The following UNC5D variants were observed in gnomAD, a reference collection of about 807,000 sequenced individuals.
UNC5D encodes unc-5 netrin receptor D.
UNC5D carries 39 observed loss-of-function variants against 105.4 expected under a neutral mutation model. The ratio of observed to expected loss-of-function variants is 0.37; its 90% confidence interval spans 0.29 to 0.48. The LOEUF (loss-of-function observed/expected upper bound fraction) is 0.48, where lower values mean the gene tolerates loss of function less well. UNC5D is among the 20% of genes least tolerant of loss of function. The pLI, the probability that UNC5D is intolerant of heterozygous loss-of-function variation, is 0.98. For missense variants in UNC5D, 991 were observed against 1,202.4 expected, an observed-to-expected ratio of 0.82 and a Z score of 2.60; for synonymous variants, 452 against 450.4, an observed-to-expected ratio of 1.00 and a Z score of -0.04.
chr8:35,345,752 A>G (rs920003177), intron 1 of UNC5D, among the ~76,000 whole-genome samples: 6 of 152,030 alleles, frequency 3.9e-5, no homozygotes, highest in African/African-American at 1.4e-4. Flanking sequence ...TCAAACACTG[A>G]ATAAAAACTC....
At chr8:35,395,100 A>G (rs1038745883) in intron 1 of UNC5D, among the ~76,000 whole-genome samples, 1 of 152,202 alleles carries the variant, frequency 6.6e-6, no homozygotes, top group Non-Finnish European at 1.5e-5. Context: ...ATTCTTCTGC[A>G]TAGAACTCGT....
At chr8:35,609,144 C>T (rs993755419) in intron 4 of UNC5D, among the ~76,000 whole-genome samples, 4 of 152,018 alleles carry the variant, frequency 2.6e-5, no homozygotes, top group South Asian at 2.1e-4. Flanking sequence ...CTTTAATTTA[C>T]ATTTGTTGAT....
intron 1 of UNC5D, among the ~76,000 whole-genome samples, chr8:35,360,737 G>A (rs1801810217): frequency 1.3e-5 from 2 of 152,126 alleles, no homozygotes; most frequent in Admixed American, 6.6e-5. Context: ...ATATGGGCAT[G>A]GTGGCAGTGG....
intron 4 of UNC5D, among the ~76,000 whole-genome samples, chr8:35,670,636 C>T (rs959076833): frequency 6.6e-6 from 1 of 152,040 alleles, no homozygotes; most frequent in East Asian, 1.9e-4. Flanking sequence ...CATGTTCTCA[C>T]TTATAAGTGG....
intron 12 of UNC5D, among the ~76,000 whole-genome samples, chr8:35,748,996 T>A (rs1830133382): frequency 1.3e-5 from 2 of 152,164 alleles, no homozygotes. Flanking sequence ...CCCCTTGGCC[T>A]TGTCTCTGTC....
chr8:35,574,707 C>A (rs545168940), intron 3 of UNC5D, among the ~76,000 whole-genome samples: 128 of 152,194 alleles, frequency 8.4e-4, no homozygotes, highest in African/African-American at 3.0e-3. Flanking sequence ...TAAATAAATA[C>A]ATCTAGGCAC....
intron 1 of UNC5D, among the ~76,000 whole-genome samples, chr8:35,460,517 T>C (rs772369406): frequency 2.6e-5 from 4 of 152,198 alleles, no homozygotes; most frequent in Non-Finnish European, 5.9e-5. Context: ...CGAAATCCCC[T>C]GGGTAAGGTA....
At chr8:35,781,087 G>A (rs979339312) in intron 16 of UNC5D, among the ~76,000 whole-genome samples, 1 of 152,084 alleles carries the variant, frequency 6.6e-6, no homozygotes, top group Non-Finnish European at 1.5e-5. Context: ...GCCCATATCA[G>A]GTTTTTTTGG....
chr8:35,611,147 A>G (rs1241459700), intron 4 of UNC5D, among the ~76,000 whole-genome samples: 1 of 152,110 alleles, frequency 6.6e-6, no homozygotes, highest in Non-Finnish European at 1.5e-5. Context: ...TCTCCCAAAA[A>G]GATGTAAAGC....
intron 4 of UNC5D, among the ~76,000 whole-genome samples, chr8:35,646,834 CTT>C (rs1823084357): frequency 1.3e-5 from 2 of 152,196 alleles, no homozygotes; most frequent in African/African-American, 4.8e-5. Context: ...ATAACTCTGA[CTT>C]AATATATTTA....
Position 35,686,625 on chromosome 8 carries a change from G to T in UNC5D, c.1000G>T (p.Ala334Ser). The T allele has an allele frequency of 1.9e-6, 3 of 1,608,312 alleles. No homozygotes were observed. Among genetic ancestry groups the T allele is most frequent in the Non-Finnish European group, 2.5e-6 (3 of 1,178,442 alleles). ...CEHLRIRECT[A>S]PPPRNGGKFC... ...ACATTTGCGGATCCGGGAGTGCACA[G>T]CACCACCCCCGAGAAATGGGGGCAA... Residue 334 changes from alanine to serine, a missense_variant, in exon 7 of 17, where the codon GCA becomes TCA. This residue lies in a region of UNC5D where 944 missense variants were observed against 1,131.6 expected (regional missense o/e 0.83). Coordinates refer to ENST00000404895, the MANE Select transcript of UNC5D (RefSeq NM_080872.4).
intron 1 of UNC5D, among the ~76,000 whole-genome samples, chr8:35,331,968 C>G (rs932882172): frequency 6.6e-6 from 1 of 152,132 alleles, no homozygotes; most frequent in African/African-American, 2.4e-5. Flanking sequence ...TTTTGATTTG[C>G]AGTTGTTTTC....
At chr8:35,693,694 A>G (rs1236092661) in intron 7 of UNC5D, among the ~76,000 whole-genome samples, 1 of 151,972 alleles carries the variant, frequency 6.6e-6, no homozygotes, top group Non-Finnish European at 1.5e-5. Flanking sequence ...CTCTTTAACG[A>G]TATCTCCTTC....
chr8:35,704,495 C>T (rs1387294632), intron 7 of UNC5D, among the ~76,000 whole-genome samples: 1 of 152,148 alleles, frequency 6.6e-6, no homozygotes, highest in Non-Finnish European at 1.5e-5. Flanking sequence ...AAAACATAAT[C>T]CAAAATGACA....
At chr8:35,665,980 T>C (rs1243188180) in intron 4 of UNC5D, among the ~76,000 whole-genome samples, 1 of 151,870 alleles carries the variant, frequency 6.6e-6, no homozygotes, top group African/African-American at 2.4e-5. Context: ...TTGACAATTT[T>C]GATCATGGTT....
intron 1 of UNC5D, among the ~76,000 whole-genome samples, chr8:35,249,718 A>G (rs1803563108): frequency 1.3e-5 from 2 of 152,056 alleles, no homozygotes; most frequent in African/African-American, 2.4e-5. Flanking sequence ...CCCTGTATAG[A>G]GCTTATGAAA....
chr8:35,717,007 A>G (rs191105326), intron 8 of UNC5D, among the ~76,000 whole-genome samples: 2 of 152,302 alleles, frequency 1.3e-5, no homozygotes, highest in East Asian at 1.9e-4. Flanking sequence ...CTGGCCTTCT[A>G]TGGGATTCCA....
intron 4 of UNC5D, among the ~76,000 whole-genome samples, chr8:35,666,337 G>A (rs1824421065): frequency 6.6e-6 from 1 of 151,864 alleles, no homozygotes; most frequent in African/African-American, 2.4e-5. Flanking sequence ...TTGGAAAGAA[G>A]TGTCTTCCAA....
chr8:35,633,594 A>AT, intron 4 of UNC5D, among the ~76,000 whole-genome samples: 1 of 150,944 alleles, frequency 6.6e-6, no homozygotes, highest in African/African-American at 2.5e-5. Context: ...CAAAAAAAAA[A>AT]TTTTTTTTAA....
Sources: allele counts gnomAD v4.1 joint callset (sites outside exome capture counted in the v4.1 genomes callset), GRCh38; gene constraint gnomAD v4.1.1; regional missense constraint gnomAD v4.1.1; transcripts MANE v1.5; gene names NCBI Gene and HGNC (gene_info 2026-07-23, HGNC 2026-07-21).